TEAD1: variants seen among roughly 807,000 people sequenced by gnomAD.
The protein encoded by TEAD1 is TEA domain transcription factor 1, also known as transcriptional enhancer factor TEF-1.
A neutral mutation model predicts 54.9 loss-of-function variants in TEAD1; 9 were observed. That is an observed-to-expected ratio of 0.16 (90% CI 0.10 to 0.29). The LOEUF (loss-of-function observed/expected upper bound fraction) is 0.29. Ranked by LOEUF, TEAD1 falls within the 10% of genes least tolerant of loss-of-function variation. The pLI is 1.00. For missense variants in TEAD1, 387 were observed against 535.9 expected, an observed-to-expected ratio of 0.72 and a Z score of 2.74; for synonymous variants, 200 against 187.8, an observed-to-expected ratio of 1.07 and a Z score of -0.53.
chr11:12,850,207 G>A (rs546980132), intron 3 of TEAD1, among the ~76,000 whole-genome samples: 8 of 152,280 alleles, frequency 5.3e-5, no homozygotes, highest in South Asian at 2.1e-4. Context: ...AGGCCGAGGC[G>A]TGTGTATCAC....
At chr11:12,709,959 A>G (rs1342881321) in intron 2 of TEAD1, among the ~76,000 whole-genome samples, 3 of 152,002 alleles carry the variant, frequency 2.0e-5, no homozygotes, top group African/African-American at 7.2e-5. Flanking sequence ...GTCCTACAAC[A>G]TCTTTTTCTT....
chr11:12,881,087 G>C, intron 7 of TEAD1, 36 bp downstream of exon 7: 1 of 1,612,808 alleles, frequency 6.2e-7, no homozygotes, highest in Non-Finnish European at 8.5e-7. Flanking sequence ...GACAACTACG[G>C]GCTGGTCCCA....
chr11:12,790,379 C>A (rs1460068766), intron 3 of TEAD1, among the ~76,000 whole-genome samples: 2 of 152,184 alleles, frequency 1.3e-5, no homozygotes, highest in African/African-American at 4.8e-5. Context: ...AGGTGGTGAA[C>A]TTTTCAAGGG....
At chr11:12,711,517 G>A (rs866065963) in intron 2 of TEAD1, among the ~76,000 whole-genome samples, 2 of 152,064 alleles carry the variant, frequency 1.3e-5, no homozygotes, top group African/African-American at 4.8e-5. Context: ...CTTTCCCCAG[G>A]GGTCCCTGGC....
chr11:12,835,170 GT>G (rs1331925612), intron 3 of TEAD1, among the ~76,000 whole-genome samples: 3 of 151,864 alleles, frequency 2.0e-5, no homozygotes, highest in African/African-American at 7.3e-5. Flanking sequence ...AACCTTGTTG[GT>G]TTTTTTTAGC....
intron 2 of TEAD1, among the ~76,000 whole-genome samples, chr11:12,739,823 T>C (rs1267252087): frequency 6.6e-6 from 1 of 152,200 alleles, no homozygotes; most frequent in Non-Finnish European, 1.5e-5. Context: ...AACACCTGTA[T>C]CTACTCCCCA....
At chr11:12,931,434 C>T (rs1215483228) in intron 12 of TEAD1, among the ~76,000 whole-genome samples, 2 of 152,164 alleles carry the variant, frequency 1.3e-5, no homozygotes, top group Admixed American at 1.3e-4. Context: ...TATACTGTGG[C>T]CAAATACTCC....
chr11:12,874,278 C>G (rs1947811887), intron 5 of TEAD1, among the ~76,000 whole-genome samples: 1 of 152,148 alleles, frequency 6.6e-6, no homozygotes, highest in African/African-American at 2.4e-5. Flanking sequence ...TAATCAAAAG[C>G]TGAGAAGCAG....
chr11:12,770,702 T>C (rs537849564), intron 3 of TEAD1, among the ~76,000 whole-genome samples: 35 of 152,266 alleles, frequency 2.3e-4, no homozygotes, highest in African/African-American at 8.2e-4. Context: ...GGAGCTGACA[T>C]TTACAACCAA....
intron 2 of TEAD1, among the ~76,000 whole-genome samples, chr11:12,713,677 C>T (rs556068970): frequency 1.1e-4 from 16 of 152,182 alleles, no homozygotes; most frequent in African/African-American, 3.9e-4. Context: ...TGTAATAAAG[C>T]GATCTTATAT....
At chr11:12,935,538 C>T (rs933431469) in intron 12 of TEAD1, among the ~76,000 whole-genome samples, 1 of 152,072 alleles carries the variant, frequency 6.6e-6, no homozygotes, top group Non-Finnish European at 1.5e-5. Context: ...TGGCTCGCTG[C>T]AACCTCTGCC....
At chr11:12,809,295 C>A (rs1387565717) in intron 3 of TEAD1, among the ~76,000 whole-genome samples, 2 of 152,190 alleles carry the variant, frequency 1.3e-5, no homozygotes, top group African/African-American at 4.8e-5. Flanking sequence ...GAATTCCTGA[C>A]TATCACCTTT....
Position 12,709,557 on chromosome 11 carries a change from A to T in TEAD1, c.-55+33996A>T, listed in dbSNP as rs547780147. ...ATTTTAGAGATGAGGGTCTTGCTTT[A>T]TCTTCCAGGTTGGAGTGCAATGGTG... On this transcript the variant is annotated intron_variant, in intron 2 of 12. Coordinates refer to ENST00000527636, the MANE Select transcript of TEAD1 (RefSeq NM_021961.6). Among the ~76,000 whole-genome samples the T allele has an allele frequency of 5.9e-5, 9 of 152,094 alleles. No homozygotes were observed. The South Asian group carries it at 8.3e-4, about 14-fold the overall frequency.
chr11:12,791,709 A>G (rs1353579718), intron 3 of TEAD1, among the ~76,000 whole-genome samples: 1 of 152,188 alleles, frequency 6.6e-6, no homozygotes, highest in Non-Finnish European at 1.5e-5. Context: ...CAGTTCTCTA[A>G]TATTTTCTTG....
chr11:12,781,660 A>G (rs1945547001), intron 3 of TEAD1, among the ~76,000 whole-genome samples: 1 of 147,862 alleles, frequency 6.8e-6, no homozygotes, highest in Admixed American at 6.8e-5. Context: ...AAAAAAAAAC[A>G]GACAATAACA....
chr11:12,679,039 G>A (rs1351734101), intron 2 of TEAD1, among the ~76,000 whole-genome samples: 2 of 152,064 alleles, frequency 1.3e-5, no homozygotes, highest in Non-Finnish European at 2.9e-5. Flanking sequence ...TAGTTGAGAG[G>A]ATTCTCAAAA....
chr11:12,792,781 C>G (rs1191535470), intron 3 of TEAD1, among the ~76,000 whole-genome samples: 1 of 152,174 alleles, frequency 6.6e-6, no homozygotes, highest in East Asian at 1.9e-4. Flanking sequence ...ATGAGCTGGG[C>G]ATGGTGACTC....
At chr11:12,933,278 A>G (rs1949043942) in intron 12 of TEAD1, among the ~76,000 whole-genome samples, 1 of 152,358 alleles carries the variant, frequency 6.6e-6, no homozygotes, top group African/African-American at 2.4e-5. Context: ...TTCCTTTAAT[A>G]TGGAGAATTA....
At chr11:12,716,281 C>T (rs890588873) in intron 2 of TEAD1, among the ~76,000 whole-genome samples, 2 of 152,114 alleles carry the variant, frequency 1.3e-5, no homozygotes, top group Non-Finnish European at 2.9e-5. Flanking sequence ...TGTCTTAGAA[C>T]AGGTAGGTGT....
Sources: gnomAD v4.1 joint callset for allele counts (sites outside exome capture counted in the v4.1 genomes callset) on GRCh38, gnomAD v4.1.1 for gene constraint, MANE v1.5 for transcripts, NCBI Gene and HGNC (gene_info 2026-07-23, HGNC 2026-07-21) for gene names.